MROH1: variants seen among roughly 807,000 people sequenced by gnomAD.
MROH1 encodes the protein maestro heat like repeat family member 1.
In MROH1, 117 loss-of-function variants were observed where a neutral mutation model predicts 116.5. The observed-to-expected ratio is 1.00, with a 90% confidence interval of 0.86 to 1.17. The LOEUF (loss-of-function observed/expected upper bound fraction) is 1.17, where lower values mean the gene tolerates loss of function less well. Ranked by LOEUF, MROH1 falls within the 50% of genes most tolerant of loss-of-function variation. The pLI is 0.00. For missense variants in MROH1, 1,873 were observed against 1,338.5 expected, an observed-to-expected ratio of 1.40 and a Z score of -6.23; for synonymous variants, 921 against 583.9, an observed-to-expected ratio of 1.58 and a Z score of -8.32.
intron 12 of MROH1, among the ~76,000 whole-genome samples, chr8:144,220,235 G>T (rs184179659): frequency 6.6e-6 from 1 of 152,184 alleles, no homozygotes; most frequent in African/African-American, 2.4e-5. Context: ...AGCGCCTGGA[G>T]GGGGAGCAGG....
intron 35 of MROH1, 100 bp from the exon 36 acceptor site, chr8:144,258,677 C>G (rs1392369425): frequency 5.7e-6 from 4 of 697,632 alleles, no homozygotes; most frequent in Non-Finnish European, 7.8e-6. Flanking sequence ...GGGCTAGCCA[C>G]CAGGTGGGCA....
At chr8:144,164,981 C>G (rs1820440048) in intron 3 of MROH1, among the ~76,000 whole-genome samples, 1 of 151,872 alleles carries the variant, frequency 6.6e-6, no homozygotes, top group South Asian at 2.1e-4. Flanking sequence ...TCCTTCAAGC[C>G]TTTGTTTGTT....
At chr8:144,223,499 C>A (rs182378833) in intron 14 of MROH1, among the ~76,000 whole-genome samples, 2 of 152,296 alleles carry the variant, frequency 1.3e-5, no homozygotes, top group African/African-American at 4.8e-5. Context: ...CCTCAGCCCC[C>A]CAAGACTACA....
chr8:144,255,841 G>A (rs897393250), intron 35 of MROH1, 136 bp downstream of exon 35: 14 of 635,010 alleles, frequency 2.2e-5, no homozygotes, highest in African/African-American at 1.1e-4. Context: ...GGGAGCTGGC[G>A]CCTCACCCAG....
At chr8:144,210,471 T>A (rs1047358148) in intron 12 of MROH1, among the ~76,000 whole-genome samples, 2 of 151,876 alleles carry the variant, frequency 1.3e-5, no homozygotes, top group Non-Finnish European at 2.9e-5. Flanking sequence ...GCAGGCAGAT[T>A]ACTTGAGGCC....
At position 144,238,798 on chromosome 8, in the gene MROH1, A is replaced by G; in HGVS notation, c.1381A>G (p.Ser461Gly). The change falls in exon 15 of 44, where the codon AGC becomes GGC. Residue 461 changes from serine to glycine, a missense_variant. Physicochemically the swap from Ser to Gly is moderately conservative, Grantham distance 56. Coordinates refer to ENST00000326134, the MANE Select transcript of MROH1 (RefSeq NM_032450.3). ...CGGCAGCAAGGACCCCAAGGCCGACAGCGTGCGGGCCATCAGCGTGCGCAC... is the reference window on the plus strand; with the variant it reads ...CGGCAGCAAGGACCCCAAGGCCGACGGCGTGCGGGCCATCAGCGTGCGCAC... ...GPGSKDPKAD[S>G]VRAISVRTLY... is the part of the protein sequence containing the mutation. 1.3e-6 allele frequency: 1 copy of G among 774,758 alleles called. No homozygotes were observed. The highest frequency in any genetic ancestry group is 1.3e-5 in the South Asian group (1 of 74,554). 48.0% of individuals were successfully genotyped at this position (774,758 alleles called of 1,614,324 possible).
At chr8:144,217,073 G>A (rs140220820) in intron 12 of MROH1, among the ~76,000 whole-genome samples, 333 of 152,220 alleles carry the variant, frequency 2.2e-3, no homozygotes, top group Non-Finnish European at 3.9e-3. Flanking sequence ...TAATCCCTGC[G>A]TTTTCGGAGG....
intron 14 of MROH1, among the ~76,000 whole-genome samples, chr8:144,235,493 C>T (rs1160895601): frequency 6.6e-5 from 10 of 152,290 alleles, no homozygotes; most frequent in Non-Finnish European, 8.8e-5. Context: ...TGCTGTGGGG[C>T]TTCATCAGGT....
At chr8:144,258,639 T>G in intron 35 of MROH1, 138 bp from the exon 36 acceptor site, 1 of 672,460 alleles carries the variant, frequency 1.5e-6, no homozygotes, top group Non-Finnish European at 2.7e-6. Flanking sequence ...CAGAGCCTGC[T>G]TCCTGGAGAG....
chr8:144,244,823 G>A (rs1304182719), intron 28 of MROH1, among the ~76,000 whole-genome samples: 7 of 152,312 alleles, frequency 4.6e-5, no homozygotes, highest in Non-Finnish European at 8.8e-5. Context: ...ACTGGGGGCC[G>A]CTACCAGGGT....
At chr8:144,190,354 C>G (rs1828243225) in intron 7 of MROH1, among the ~76,000 whole-genome samples, 1 of 152,144 alleles carries the variant, frequency 6.6e-6, no homozygotes, top group South Asian at 2.1e-4. Context: ...ATGGTGAAAC[C>G]CTGTCTCTTC....
At position 144,240,583 on chromosome 8, in the gene MROH1, C is replaced by A; in HGVS notation, c.1841C>A (p.Thr614Asn). The A allele has an allele frequency of 1.4e-6, 1 of 717,198 alleles. No individual in the cohort carries two copies. Among genetic ancestry groups the A allele is most frequent in the East Asian group, 2.7e-5 (1 of 37,300 alleles). 44.4% of individuals were successfully genotyped at this position (717,198 alleles called of 1,614,324 possible). Reference sequence around the variant, plus strand: ...CTTGGCCTGCAGTTCCTGCGAGACACCCTGGCCATCATTTCTGACAACGCG... The same window carrying A: ...CTTGGCCTGCAGTTCCTGCGAGACAACCTGGCCATCATTTCTGACAACGCG... Reference protein sequence around the residue: ...EEKLLMFLRDTLAIISDNAWI... With the variant: ...EEKLLMFLRDNLAIISDNAWI... Residue 614 changes from threonine (T) to asparagine (N), a missense_variant, in exon 20 of 44, where the codon ACC becomes AAC. By Grantham distance (65) the Thr-to-Asn change is moderately conservative (BLOSUM62 0). Transcript: ENST00000326134.
intron 12 of MROH1, among the ~76,000 whole-genome samples, chr8:144,204,285 G>A (rs1832361827): frequency 1.3e-5 from 2 of 152,034 alleles, no homozygotes; most frequent in Admixed American, 1.3e-4. Context: ...CAGTTTTTTT[G>A]TATTTTTGTA....
intron 4 of MROH1, among the ~76,000 whole-genome samples, chr8:144,176,733 GC>G (rs71320805): frequency 0.99 from 149,362 of 151,118 alleles, 73,832 homozygotes; most frequent in East Asian, 1. Flanking sequence ...GGAGGCTAAG[GC>G]AGGAGAATCA....
At chr8:144,185,618 C>CG (rs1445673140) in intron 7 of MROH1, among the ~76,000 whole-genome samples, 1 of 4,904 alleles carries the variant, frequency 2.0e-4, no homozygotes, top group Non-Finnish European at 3.9e-4. Context: ...GCGGGGACCG[C>CG]GGGGGGCGGT....
intron 12 of MROH1, among the ~76,000 whole-genome samples, chr8:144,216,244 G>A (rs1209973826): frequency 1.3e-5 from 2 of 151,850 alleles, no homozygotes; most frequent in African/African-American, 4.8e-5. Flanking sequence ...GGAGGCTGAG[G>A]TGGGCAGATC....
At position 144,191,744 on chromosome 8, in the gene MROH1, G is replaced by A. The variant is rs201392373; in HGVS notation, c.744G>A (p.Gly248=). 1.2e-5 allele frequency: 20 copies of A among 1,612,810 alleles called. No individual in the cohort carries two copies. Among genetic ancestry groups the A allele is most frequent in the Non-Finnish European group, 1.7e-6 (2 of 1,179,714 alleles). Residue 248 remains glycine (G), a synonymous_variant, in exon 9 of 44, where the codon GGG becomes GGA. Transcript: ENST00000326134. ...GTCTTGCCGTGGTGGAGGCTCTGGG[G>A]CCTATGAGCCATCTGCTGCCCAGTG... is the stretch of plus-strand genomic sequence containing the variant. The part of the protein sequence containing the change: ...KLRLAVVEAL[G]PMSHLLPSER...
intron 7 of MROH1, among the ~76,000 whole-genome samples, chr8:144,187,573 G>A (rs1032520031): frequency 1.3e-5 from 2 of 152,250 alleles, no homozygotes; most frequent in African/African-American, 4.8e-5. Flanking sequence ...TGCTGTTGGA[G>A]GATCAGCAGC....
intron 1 of MROH1, among the ~76,000 whole-genome samples, chr8:144,157,279 A>T (rs1035416935): frequency 6.6e-6 from 1 of 152,120 alleles, no homozygotes; most frequent in Non-Finnish European, 1.5e-5. Flanking sequence ...ACAGGGCTTC[A>T]CCATGTTGGC....
Sources: allele counts gnomAD v4.1 joint callset (sites outside exome capture counted in the v4.1 genomes callset), GRCh38; gene constraint gnomAD v4.1.1; transcripts MANE v1.5; gene names NCBI Gene and HGNC (gene_info 2026-07-23, HGNC 2026-07-21).